EPDR1: variants seen among roughly 807,000 people sequenced by gnomAD.
EPDR1 encodes ependymin related 1, also known as mammalian ependymin-related protein 1.
In EPDR1, 27 loss-of-function variants were observed where a neutral mutation model predicts 23.7. That is an observed-to-expected ratio of 1.14 (90% confidence interval 0.84 to 1.57). The LOEUF is 1.57. EPDR1 is among the 40% of genes most tolerant of loss of function. EPDR1 has a pLI of 0.00. For synonymous variants in EPDR1, 137 were observed against 118.2 expected, an observed-to-expected ratio of 1.16 and a Z score of -1.03; for missense variants, 349 against 290.4, an observed-to-expected ratio of 1.20 and a Z score of -1.47.
chr7:37,948,440 C>G (rs1186746343), intron 1 of EPDR1, among the ~76,000 whole-genome samples: 1 of 151,630 alleles, frequency 6.6e-6, no homozygotes, highest in African/African-American at 2.4e-5. Flanking sequence ...AACTCCCAGG[C>G]TCAAGTGATC....
At chr7:37,944,889 G>C (rs1223738748) in intron 1 of EPDR1, among the ~76,000 whole-genome samples, 1 of 152,182 alleles carries the variant, frequency 6.6e-6, no homozygotes, top group East Asian at 1.9e-4. Flanking sequence ...ATATTCTCCA[G>C]GGAACAACTA....
intron 1 of EPDR1, among the ~76,000 whole-genome samples, chr7:37,931,759 C>A (rs1009667918): frequency 1.3e-5 from 2 of 152,110 alleles, no homozygotes; most frequent in Non-Finnish European, 2.9e-5. Context: ...AGTGAAGTGG[C>A]ACAATCTCGG....
At chr7:37,926,810 A>G (rs1785823147) in intron 1 of EPDR1, 1 of 416,026 alleles carries the variant, frequency 2.4e-6, no homozygotes, top group East Asian at 7.2e-5. Context: ...TTAATTAGTA[A>G]GATTTGGTAG....
At chr7:37,937,284 A>G (rs1174182037) in intron 1 of EPDR1, among the ~76,000 whole-genome samples, 1 of 152,222 alleles carries the variant, frequency 6.6e-6, no homozygotes, top group East Asian at 1.9e-4. Context: ...ATAAAACCAC[A>G]CAGTTATGAT....
chr7:37,927,551 C>T (rs1240479745), intron 1 of EPDR1, among the ~76,000 whole-genome samples: 2 of 152,184 alleles, frequency 1.3e-5, no homozygotes, highest in East Asian at 1.9e-4. Context: ...TACCTAGTGG[C>T]TTTAGTCTAA....
chr7:37,932,678 A>G (rs371761436), intron 1 of EPDR1, among the ~76,000 whole-genome samples: 78 of 152,292 alleles, frequency 5.1e-4, no homozygotes, highest in African/African-American at 1.7e-3. Flanking sequence ...TCCTTCTTAG[A>G]GGACATCCCC....
chr7:37,934,995 G>C (rs936165713), intron 1 of EPDR1, among the ~76,000 whole-genome samples: 3 of 151,982 alleles, frequency 2.0e-5, no homozygotes, highest in Admixed American at 2.0e-4. Flanking sequence ...CAAAAATATA[G>C]AGTGTAACCA....
intron 1 of EPDR1, among the ~76,000 whole-genome samples, chr7:37,926,268 C>CT (rs1785807087): frequency 6.6e-6 from 1 of 152,072 alleles, no homozygotes; most frequent in Non-Finnish European, 1.5e-5. Context: ...AAGAGCTTCC[C>CT]CCTCGCCTGA....
In EPDR1 at chr7:37,948,995, C is replaced by A. The variant is rs1456694593; in HGVS notation, c.425C>A (p.Pro142His). The A allele has an allele frequency of 2.5e-6, 4 of 1,614,156 alleles. No homozygotes were observed. The highest frequency in any genetic ancestry group is 3.4e-6 in the Non-Finnish European group (4 of 1,180,020). Residue 142 changes from proline to histidine, a missense_variant, in exon 2 of 3, where the codon CCT becomes CAT. Physicochemically the swap from Pro to His is moderately conservative, Grantham distance 77 (BLOSUM62 -2). Coordinates refer to ENST00000199448, the MANE Select transcript of EPDR1 (RefSeq NM_017549.5). ...GAAGACCAGTACTCCATCGGGGGGCCTCAGGAGCAGATCACCGTCCAGGAG... is the reference window on the plus strand; with the variant it reads ...GAAGACCAGTACTCCATCGGGGGGCATCAGGAGCAGATCACCGTCCAGGAG... ...TFEDQYSIGG[P>H]QEQITVQEWS...
In EPDR1 at chr7:37,950,454, G is replaced by T; in HGVS notation, c.*58G>T. ...TCAGCCCCCTGCGGCCCCAGCTGGA[G>T]ATGGATATGAGACTAGTCAAGATGT... On this transcript the variant is annotated 3_prime_UTR_variant, in exon 3 of 3. Coordinates refer to ENST00000199448, the MANE Select transcript of EPDR1 (RefSeq NM_017549.5). The T allele has an allele frequency of 6.9e-7, 1 of 1,454,916 alleles. No individual in the cohort carries two copies. The highest frequency in any genetic ancestry group is 9.3e-7 in the Non-Finnish European group (1 of 1,074,158). 90.1% of individuals were successfully genotyped at this position (1,454,916 alleles called of 1,614,324 possible). A position where few individuals can be genotyped will look rare whatever the true frequency, so the allele number is the denominator to read the frequency against.
chr7:37,921,255 A>T, intron 1 of EPDR1, 47 bp downstream of exon 1: 2 of 1,535,952 alleles, frequency 1.3e-6, no homozygotes, highest in Middle Eastern at 2.0e-4. Context: ...CCGCGCGGGC[A>T]TGGGGAGGGC....
rs149095633 is a variant in EPDR1, at chr7:37,948,932, C to G, written c.362C>G (p.Pro121Arg). 7.4e-5 allele frequency: 120 copies of G among 1,614,040 alleles called. No homozygotes were observed. The Admixed American group carries it at 1.1e-3, about 15-fold the overall frequency. The change falls in exon 2 of 3, where the codon CCC becomes CGC. Residue 121 changes from proline (P) to arginine (R), a missense_variant. Coordinates refer to ENST00000199448, the MANE Select transcript of EPDR1 (RefSeq NM_017549.5). ...KQCSKMTLTQ[P>R]WDPLDIPQNS... is the part of the protein sequence containing the mutation. The stretch of plus-strand genomic sequence containing the variant: ...TGCTCAAAGATGACCCTGACACAGC[C>G]CTGGGATCCTCTTGACATTCCTCAA...
intron 1 of EPDR1, among the ~76,000 whole-genome samples, chr7:37,932,922 T>A (rs1040519715): frequency 6.6e-6 from 1 of 152,258 alleles, no homozygotes; most frequent in African/African-American, 2.4e-5. Flanking sequence ...TTTTTTCATC[T>A]TTTGAACTGG....
chr7:37,936,451 G>T (rs1437223201), intron 1 of EPDR1, among the ~76,000 whole-genome samples: 4 of 151,974 alleles, frequency 2.6e-5, no homozygotes, highest in Non-Finnish European at 5.9e-5. Context: ...ATTTAATATT[G>T]TGCTGAATTT....
At chr7:37,928,976 G>A (rs971707897) in intron 1 of EPDR1, among the ~76,000 whole-genome samples, 6 of 151,984 alleles carry the variant, frequency 3.9e-5, no homozygotes, top group African/African-American at 2.4e-5. Flanking sequence ...TTGAAAATAC[G>A]TCATGCCACT....
chr7:37,927,593 T>G (rs931411833), intron 1 of EPDR1, among the ~76,000 whole-genome samples: 1 of 152,228 alleles, frequency 6.6e-6, no homozygotes, highest in Non-Finnish European at 1.5e-5. Flanking sequence ...GATGAAATTA[T>G]GTTCTTAACA....
chr7:37,935,991 GGCATATATAT>G (rs1786037060), intron 1 of EPDR1, among the ~76,000 whole-genome samples: 1 of 52,028 alleles, frequency 1.9e-5, no homozygotes, highest in South Asian at 6.1e-4. Context: ...AGCAAATCAT[GGCATATATAT>G]ATATATATAT....
At chr7:37,929,266 A>G (rs1325539790) in intron 1 of EPDR1, among the ~76,000 whole-genome samples, 8 of 151,886 alleles carry the variant, frequency 5.3e-5, no homozygotes, top group Non-Finnish European at 2.9e-5. Context: ...TTGTTCCTTC[A>G]TCTCCCCCAC....
intron 1 of EPDR1, among the ~76,000 whole-genome samples, chr7:37,946,053 T>C (rs1330377230): frequency 6.6e-6 from 1 of 152,220 alleles, no homozygotes; most frequent in Non-Finnish European, 1.5e-5. Context: ...AAGGACATGA[T>C]CTTGTTCCTT....
Sources: allele counts gnomAD v4.1 joint callset (sites outside exome capture counted in the v4.1 genomes callset), GRCh38; gene constraint gnomAD v4.1.1; transcripts MANE v1.5; gene names NCBI Gene and HGNC (gene_info 2026-07-23, HGNC 2026-07-21).